The following CEP350 variants were observed in gnomAD, a reference collection of about 807,000 sequenced individuals.
CEP350 encodes the protein centrosomal protein 350.
Under a neutral mutation model 331.8 loss-of-function variants are expected in CEP350, and 126 were observed. The observed-to-expected ratio is 0.38, with a 90% confidence interval of 0.33 to 0.44. The LOEUF (loss-of-function observed/expected upper bound fraction) is 0.44. Among genes scored for constraint, CEP350 ranks in the 20% least tolerant of loss-of-function variants. The pLI, the probability that CEP350 is intolerant of heterozygous loss-of-function variation, is 1.00. For synonymous variants in CEP350, 1,200 were observed against 1,259.5 expected (o/e 0.95, Z 1.00); for missense variants, 3,406 against 3,634.6 (o/e 0.94, Z 1.62).
intron 7 of CEP350, among the ~76,000 whole-genome samples, chr1:180,003,648 C>T (rs576071921): frequency 4.6e-5 from 7 of 151,990 alleles, no homozygotes; most frequent in Non-Finnish European, 1.0e-4. Context: ...AGGTAAGATA[C>T]TTACATGAGA....
rs750099691 is a variant in CEP350, at chr1:180,075,179, A to C, written c.5725A>C (p.Thr1909Pro). The C allele has an allele frequency of 6.9e-5, 111 of 1,613,050 alleles. No individual in the cohort carries two copies. The highest frequency in any genetic ancestry group is 9.1e-5 in the Non-Finnish European group (107 of 1,179,578). The change falls in exon 28 of 38, where the codon ACT (threonine) becomes CCT (proline). Residue 1909 changes from threonine (T) to proline (P), a missense_variant. This residue lies in a region of CEP350 where 1,415 missense variants were observed against 1,512.3 expected (regional missense o/e 0.94). Transcript: ENST00000367607. ...GGACAAAGAATTAATAAAACCCAAA[A>C]CTCCTAAGAAAGAACTGGAGGACCA... ...AWDKELIKPK[T>P]PKKELEDQRT...
In CEP350 at chr1:180,015,958, A is replaced by C. The variant is rs781345813; in HGVS notation, c.2162A>C (p.Gln721Pro). The C allele has an allele frequency of 1.2e-6, 2 of 1,613,830 alleles. No individual in the cohort carries two copies. The highest frequency in any genetic ancestry group is 2.2e-5 in the South Asian group (2 of 91,062). The change falls in exon 11 of 38, where the codon CAG becomes CCG. Residue 721 changes from glutamine to proline, a missense_variant. Physicochemically the swap from Gln to Pro is moderately conservative, Grantham distance 76. Coordinates refer to ENST00000367607, the MANE Select transcript of CEP350 (RefSeq NM_014810.5). ...GACATGTCTCTCTCAGAACCTCCAC[A>C]GCCTCTTGCAAGGTAAAAAGGGAAG... is the stretch of plus-strand genomic sequence containing the variant. Reference protein sequence around the residue: ...SSDMSLSEPPQPLARKDLMES... With the variant: ...SSDMSLSEPPPPLARKDLMES...
chr1:180,055,632 G>C (rs1382043273), intron 25 of CEP350, among the ~76,000 whole-genome samples: 1 of 132,892 alleles, frequency 7.5e-6, no homozygotes. Flanking sequence ...CTCACTGCAA[G>C]CTCCGCCTCC....
chr1:180,084,082 A>C lies in CEP350; in HGVS notation c.6189A>C (p.Lys2063Asn). 1 of 1,601,658 alleles carries C rather than the reference A, an allele frequency of 6.2e-7. No individual in the cohort carries two copies. The highest frequency in any genetic ancestry group is 8.5e-7 in the Non-Finnish European group (1 of 1,173,562). Residue 2063 changes from lysine to asparagine, a missense_variant, in exon 31 of 38, where the codon AAA (lysine) becomes AAC (asparagine). Lys to Asn is a moderately conservative substitution (Grantham distance 94). Transcript: ENST00000367607. The stretch of plus-strand genomic sequence containing the variant: ...GAGCTCTGAAGGATGAGTTGCGGAA[A>C]AGAAAATCAGTTGTGAACCAGCTGA... ...RIRALKDELR[K>N]RKSVVNQLKK...
chr1:179,958,949 G>A (rs1224458832), intron 1 of CEP350, among the ~76,000 whole-genome samples: 1 of 152,168 alleles, frequency 6.6e-6, no homozygotes, highest in Admixed American at 6.5e-5. Context: ...ATTCCTGAGG[G>A]AGTGGATGAC....
chr1:179,971,016 TTTG>T lies in CEP350; in HGVS notation c.-13-15141_-13-15139del, dbSNP rs892954851. 5.4e-3 allele frequency among the ~76,000 whole-genome samples: 819 copies of T among 151,456 alleles called. 4 individuals are homozygous for T. The highest frequency in any genetic ancestry group is 0.019 in the African/African-American group (788 of 41,032). ...CTATTACATGTTAAAATAATAACTT[TTTG>T]TTGTTGTTGTTTGTTTTTTTTTTTT... On this transcript the variant is annotated intron_variant, in intron 1 of 37. Transcript: ENST00000367607.
rs774100242 is a variant in CEP350 at position 180,020,844 on chromosome 1, A to C, written c.3070A>C (p.Ser1024Arg). The change falls in exon 12 of 38, where the codon AGT (serine) becomes CGT (arginine). Residue 1024 changes from serine to arginine, a missense_variant. Around this residue, in one of 5 missense-constraint regions of CEP350, gnomAD observed 1,857 missense variants for 1,909.2 expected, o/e 0.97. Coordinates refer to ENST00000367607, the MANE Select transcript of CEP350 (RefSeq NM_014810.5). ...GGAATTTTGTCCTGGAGAAAGAAAT[A>C]GTTATGAACCCATCAAAGAGTTTCA... Reference protein sequence around the residue: ...EKEFCPGERNSYEPIKEFQKE... With the variant: ...EKEFCPGERNRYEPIKEFQKE... 43 of 1,613,022 alleles carry C rather than the reference A, an allele frequency of 2.7e-5. No individual in the cohort carries two copies. In the South Asian group the frequency reaches 4.0e-4, roughly 15 times the overall value.
intron 29 of CEP350, among the ~76,000 whole-genome samples, 161 bp downstream of exon 29, chr1:180,078,835 A>G (rs1659393802): frequency 6.6e-6 from 1 of 152,234 alleles, no homozygotes; most frequent in African/African-American, 2.4e-5. Context: ...TCATTTACAA[A>G]TATATGAATT....
At chr1:180,097,905 T>G (rs1660569619) in intron 36 of CEP350, among the ~76,000 whole-genome samples, 1 of 152,190 alleles carries the variant, frequency 6.6e-6, no homozygotes, top group South Asian at 2.1e-4. Context: ...ATTCAGAGAT[T>G]TATTTTATGC....
intron 5 of CEP350, among the ~76,000 whole-genome samples, chr1:179,993,275 G>A (rs138914700): frequency 2.0e-5 from 3 of 151,828 alleles, no homozygotes; most frequent in East Asian, 1.9e-4. Flanking sequence ...AAGAATAATC[G>A]AAGTTTAGAA....
At chr1:180,013,806 T>C (rs773150565) in intron 9 of CEP350, 41 bp from the exon 10 acceptor site, 2 of 1,507,500 alleles carry the variant, frequency 1.3e-6, no homozygotes, top group South Asian at 2.6e-5. Flanking sequence ...TAGGAATGAG[T>C]ATAGAATTTC....
rs1571820290 is a variant in CEP350 at position 179,986,257 on chromosome 1, A to T, written c.73+3A>T. The T allele has an allele frequency of 1.9e-6, 3 of 1,548,384 alleles. No homozygotes were observed. The East Asian group carries it at 7.3e-5, about 38-fold the overall frequency. On this transcript the variant is annotated splice_donor_region_variant and intron_variant, in intron 2 of 37. Coordinates refer to ENST00000367607, the MANE Select transcript of CEP350 (RefSeq NM_014810.5). ...TCAAAGCAAGGATACTGTTCAAGGT[A>T]TGATTTTGTTTTTTTAAACAGAACT...
At chr1:180,019,885 T>A (rs1655210090) in intron 11 of CEP350, 64 bp from the exon 12 acceptor site, 1 of 1,298,450 alleles carries the variant, frequency 7.7e-7, no homozygotes, top group Non-Finnish European at 1.0e-6. Flanking sequence ...TATAATCAGA[T>A]AAAAAAAAAA....
chr1:180,024,662 T>C (rs971493674), intron 14 of CEP350, 80 bp downstream of exon 14: 99 of 1,415,336 alleles, frequency 7.0e-5, no homozygotes, highest in Non-Finnish European at 9.1e-5. Flanking sequence ...TTTGATTGCA[T>C]AAGAAGTTAG....
At chr1:180,005,295 G>A (rs985139180) in intron 7 of CEP350, among the ~76,000 whole-genome samples, 2 of 151,834 alleles carry the variant, frequency 1.3e-5, no homozygotes, top group African/African-American at 4.8e-5. Flanking sequence ...CTAAATAAAT[G>A]TGGTCATGAT....
At chr1:180,110,375 A>T (rs1291551754) in intron 37 of CEP350, among the ~76,000 whole-genome samples, 1 of 152,198 alleles carries the variant, frequency 6.6e-6, no homozygotes, top group Non-Finnish European at 1.5e-5. Flanking sequence ...GATAAGTGGT[A>T]TGGGGGCAGC....
chr1:180,074,821 G>T (rs1659120756), intron 27 of CEP350, among the ~76,000 whole-genome samples: 1 of 152,070 alleles, frequency 6.6e-6, no homozygotes, highest in African/African-American at 2.4e-5. Flanking sequence ...ACCATTATGA[G>T]TAAAACATAA....
At chr1:179,960,302 A>G (rs960474948) in intron 1 of CEP350, among the ~76,000 whole-genome samples, 1 of 152,028 alleles carries the variant, frequency 6.6e-6, no homozygotes, top group African/African-American at 2.4e-5. Context: ...GAGAAAAGCC[A>G]CACAGACATG....
chr1:180,029,320 G>A (rs1049641124), intron 14 of CEP350, among the ~76,000 whole-genome samples: 1 of 152,124 alleles, frequency 6.6e-6, no homozygotes. Context: ...AAAATTTTAA[G>A]TTGTGTATTT....
Sources: gnomAD v4.1 joint callset for allele counts (sites outside exome capture counted in the v4.1 genomes callset) on GRCh38, gnomAD v4.1.1 for gene constraint, gnomAD v4.1.1 regional missense constraint, MANE v1.5 for transcripts, NCBI Gene and HGNC (gene_info 2026-07-23, HGNC 2026-07-21) for gene names.